Variants in PTPRD observed in about 807,000 individuals in gnomAD.
PTPRD encodes receptor-type tyrosine-protein phosphatase delta.
Under a neutral mutation model 214.5 loss-of-function variants are expected in PTPRD, and 34 were observed. That is an observed-to-expected ratio of 0.16 (90% CI 0.12 to 0.21). The LOEUF (loss-of-function observed/expected upper bound fraction) is 0.21, where lower values mean the gene tolerates loss of function less well. Ranked by LOEUF, PTPRD falls within the 10% of genes least tolerant of loss-of-function variation. The pLI, the probability that PTPRD is intolerant of heterozygous loss-of-function variation, is 1.00. For synonymous variants in PTPRD, 1,128 were observed against 845.7 expected (o/e 1.33, Z -5.79); for missense variants, 2,545 against 2,398.7 (o/e 1.06, Z -1.27).
chr9:9,964,190 G>A (rs2094539607), intron 4 of PTPRD, among the ~76,000 whole-genome samples: 1 of 148,720 alleles, frequency 6.7e-6, no homozygotes, highest in Non-Finnish European at 1.5e-5. Context: ...TCAAATTGGG[G>A]GAAAAAAGAA....
chr9:10,603,149 G>A (rs909395233), intron 2 of PTPRD, among the ~76,000 whole-genome samples: 5 of 151,910 alleles, frequency 3.3e-5, no homozygotes, highest in African/African-American at 4.8e-5. Flanking sequence ...AAAGGGACCC[G>A]AGCTTGAAGG....
chr9:9,323,867 G>C (rs1157209698), intron 9 of PTPRD, among the ~76,000 whole-genome samples: 3 of 152,208 alleles, frequency 2.0e-5, no homozygotes, highest in African/African-American at 7.2e-5. Flanking sequence ...ACAGGCCCTG[G>C]TGTGTGATGT....
chr9:9,469,860 T>C (rs2094471992), intron 8 of PTPRD, among the ~76,000 whole-genome samples: 1 of 152,170 alleles, frequency 6.6e-6, no homozygotes, highest in Non-Finnish European at 1.5e-5. Context: ...ATATGTCCAA[T>C]GAGGGGTCAG....
intron 43 of PTPRD, among the ~76,000 whole-genome samples, chr9:8,336,801 A>G (rs1847313847): frequency 6.6e-6 from 1 of 152,210 alleles, no homozygotes; most frequent in African/African-American, 2.4e-5. Flanking sequence ...GGATATGAAC[A>G]GACACTTCTC....
intron 2 of PTPRD, among the ~76,000 whole-genome samples, chr9:10,568,567 G>C (rs1209145605): frequency 1.3e-5 from 2 of 152,066 alleles, no homozygotes; most frequent in Non-Finnish European, 1.5e-5. Flanking sequence ...GGTTGAACTA[G>C]TTTACAGTCC....
intron 5 of PTPRD, among the ~76,000 whole-genome samples, chr9:9,767,903 A>G (rs1406831639): frequency 1.3e-5 from 2 of 152,276 alleles, no homozygotes; most frequent in South Asian, 4.1e-4. Flanking sequence ...TTATTGTTAT[A>G]TGAAGATGTC....
chr9:8,316,636 C>T lies in PTPRD; in HGVS notation c.*1238G>A, dbSNP rs1005154209. The T allele has an allele frequency of 8.7e-6, 2 of 230,474 alleles. No individual in the cohort carries two copies. Among genetic ancestry groups the T allele is most frequent in the African/African-American group, 4.4e-5 (2 of 45,110 alleles). The allele number at this position is 230,474 out of a possible 1,614,324, so 14.3% of individuals were successfully genotyped here. Reference sequence around the variant, plus strand: ...AGCTATTTAATAATAATTTTTATTGCACTAGAGTGTTAGAAATATTGAACT... The same window carrying T: ...AGCTATTTAATAATAATTTTTATTGTACTAGAGTGTTAGAAATATTGAACT... On this transcript the variant is annotated 3_prime_UTR_variant, in exon 46 of 46. Coordinates refer to ENST00000381196, the MANE Select transcript of PTPRD (RefSeq NM_002839.4).
intron 3 of PTPRD, among the ~76,000 whole-genome samples, chr9:10,270,087 T>A (rs902480891): frequency 2.0e-5 from 3 of 152,130 alleles, no homozygotes. Flanking sequence ...TTTTTGTTTG[T>A]ATGCATGTAT....
intron 11 of PTPRD, among the ~76,000 whole-genome samples, chr9:8,902,535 G>C (rs1195614676): frequency 6.6e-6 from 1 of 151,902 alleles, no homozygotes; most frequent in African/African-American, 2.4e-5. Context: ...AGTAGAGACA[G>C]GGTTTCATCA....
At chr9:8,459,820 C>A (rs1477630965) in intron 33 of PTPRD, among the ~76,000 whole-genome samples, 1 of 152,078 alleles carries the variant, frequency 6.6e-6, no homozygotes, top group Non-Finnish European at 1.5e-5. Flanking sequence ...TGGACACATA[C>A]ACGAATTCAC....
At chr9:9,165,678 T>A (rs557501757) in intron 10 of PTPRD, among the ~76,000 whole-genome samples, 11 of 152,292 alleles carry the variant, frequency 7.2e-5, no homozygotes, top group African/African-American at 2.6e-4. Flanking sequence ...TAAAATAACT[T>A]ACTGAGATAG....
At chr9:9,914,676 G>A (rs550115776) in intron 5 of PTPRD, among the ~76,000 whole-genome samples, 1 of 152,222 alleles carries the variant, frequency 6.6e-6, no homozygotes, top group South Asian at 2.1e-4. Flanking sequence ...CCAGCCAAGA[G>A]AGCATGTGAT....
chr9:9,973,987 C>A (rs1257163782), intron 4 of PTPRD, among the ~76,000 whole-genome samples: 1 of 152,084 alleles, frequency 6.6e-6, no homozygotes, highest in African/African-American at 2.4e-5. Context: ...TCTGATGGTT[C>A]TGTAAATAGA....
chr9:10,480,985 T>G (rs1589134272), intron 2 of PTPRD, among the ~76,000 whole-genome samples: 1 of 152,028 alleles, frequency 6.6e-6, no homozygotes, highest in Admixed American at 6.6e-5. Context: ...GTGACTCAAG[T>G]CGAGTCAATA....
intron 4 of PTPRD, among the ~76,000 whole-genome samples, chr9:10,017,179 T>A (rs2154114512): frequency 6.6e-6 from 1 of 152,334 alleles, no homozygotes; most frequent in East Asian, 1.9e-4. Context: ...CTGGTGGACA[T>A]CGAATATTAA....
chr9:9,212,137 A>G (rs1328944070), intron 9 of PTPRD, among the ~76,000 whole-genome samples: 1 of 152,118 alleles, frequency 6.6e-6, no homozygotes, highest in Non-Finnish European at 1.5e-5. Flanking sequence ...AGAGGGATAA[A>G]GATGTTTGTA....
intron 3 of PTPRD, among the ~76,000 whole-genome samples, chr9:10,166,275 G>A (rs1295659792): frequency 1.4e-5 from 2 of 148,014 alleles, no homozygotes; most frequent in Admixed American, 1.3e-4. Flanking sequence ...CTCACACTGT[G>A]AGAAAAAAAA....
chr9:10,401,274 T>C (rs893984004), intron 2 of PTPRD, among the ~76,000 whole-genome samples: 1 of 151,546 alleles, frequency 6.6e-6, no homozygotes, highest in African/African-American at 2.4e-5. Flanking sequence ...TCGCTGGAAA[T>C]AATAAATTTT....
intron 8 of PTPRD, among the ~76,000 whole-genome samples, chr9:9,574,336 G>A (rs649649): frequency 0.34 from 51,195 of 151,570 alleles, 9,025 homozygotes; most frequent in African/African-American, 0.42. Flanking sequence ...TGCTTCATGG[G>A]GAGACCCAAT....
Sources: allele counts gnomAD v4.1 joint callset (sites outside exome capture counted in the v4.1 genomes callset), GRCh38; gene constraint gnomAD v4.1.1; transcripts MANE v1.5; gene names NCBI Gene and HGNC (gene_info 2026-07-23, HGNC 2026-07-21).